Variants in BCOR observed in about 807,000 individuals in gnomAD.
BCOR encodes the protein BCL-6 corepressor.
BCOR carries 10 observed loss-of-function variants against 86.7 expected under a neutral mutation model. The observed-to-expected ratio is 0.12, with a 90% CI of 0.07 to 0.20. The LOEUF is 0.20. BCOR is among the 10% of genes least tolerant of loss of function. The pLI is 1.00. For missense variants in BCOR, 1,259 were observed against 1,452.1 expected (o/e 0.87, Z 2.16); for synonymous variants, 611 against 609.0 (o/e 1.00, Z -0.05).
intron 1 of BCOR, among the ~76,000 whole-genome samples, chrX:40,156,774 C>T (rs765085346): frequency 8.8e-6 from 1 of 113,602 alleles, no homozygotes; most frequent in East Asian, 2.8e-4. Flanking sequence ...CCTGTCCAGG[C>T]CCCAGCCTGG....
chrX:40,109,173 C>T (rs1937251515), intron 1 of BCOR, among the ~76,000 whole-genome samples: 1 of 112,021 alleles, frequency 8.9e-6, no homozygotes, highest in African/African-American at 3.2e-5. Flanking sequence ...GATTAGTCAC[C>T]GCTCGGCTCT....
intron 1 of BCOR, among the ~76,000 whole-genome samples, chrX:40,087,263 C>T (rs889140569): frequency 8.9e-6 from 1 of 112,911 alleles, no homozygotes; most frequent in Admixed American, 9.3e-5. Context: ...TACTGGCCGC[C>T]CCACTGATCA....
rs1208262236 is a variant in BCOR at position 40,063,084 on chromosome X, G to C, written c.3848-13C>G. 5 of 1,101,896 alleles carry C rather than the reference G, an allele frequency of 4.5e-6. No individual in the cohort carries two copies. The highest frequency in any genetic ancestry group is 2.1e-5 in the South Asian group (1 of 48,704). 90.8% of individuals were successfully genotyped at this position (1,101,896 alleles called of 1,213,427 possible). ...AACACAGGCAAGCCTAAATACGGAGGGGGTGACGGGGTGGCGGGCGGATGG... is the reference window on the plus strand; with the variant it reads ...AACACAGGCAAGCCTAAATACGGAGCGGGTGACGGGGTGGCGGGCGGATGG... On this transcript the variant is annotated splice_polypyrimidine_tract_variant and intron_variant, in intron 8 of 14. Transcript: ENST00000378444.
intron 1 of BCOR, among the ~76,000 whole-genome samples, chrX:40,170,227 A>G (rs1938590307): frequency 8.9e-6 from 1 of 112,176 alleles, no homozygotes; most frequent in South Asian, 3.7e-4. Flanking sequence ...CTGAGTCAAG[A>G]CGTCCTTCGG....
intron 1 of BCOR, among the ~76,000 whole-genome samples, chrX:40,096,510 A>G (rs1272431451): frequency 1.0e-5 from 1 of 100,217 alleles, no homozygotes; most frequent in Non-Finnish European, 1.9e-5. Flanking sequence ...TCGATTTCTT[A>G]GTAGTTTTTT....
At chrX:40,156,990 A>T (rs1177131881) in intron 1 of BCOR, among the ~76,000 whole-genome samples, 1 of 113,211 alleles carries the variant, frequency 8.8e-6, no homozygotes, top group Non-Finnish European at 1.9e-5. Context: ...TGGCCACCCG[A>T]GCTAACGCTA....
In BCOR at chrX:40,057,439, G is replaced by A. The variant is rs971074076; in HGVS notation, c.4429-118C>T. The A allele has an allele frequency of 2.8e-5, 22 of 782,372 alleles. No homozygotes were observed. The East Asian group carries it at 5.2e-4, about 18-fold the overall frequency. 64.5% of individuals were successfully genotyped at this position (782,372 alleles called of 1,213,427 possible). A position where few individuals can be genotyped will look rare whatever the true frequency, so the allele number is the denominator to read the frequency against. ...AGGCCTGAGAACCTGAGAACCTCTC[G>A]GGCGGGCTGTGGATGTCTTGGTGAG... On this transcript the variant is annotated intron_variant, in intron 10 of 14. Transcript: ENST00000378444.
At position 40,094,249 on chromosome X, in the gene BCOR, C is replaced by G. The variant is rs751344516; in HGVS notation, c.-41+2966G>C. ...GTCTGCTGCCATCTCCGCGCCTCCC[C>G]CCCCTCCAGTCCTTCAGCCGGGAGG... On this transcript the variant is annotated intron_variant, in intron 1 of 14. Transcript: ENST00000378444. Among the ~76,000 whole-genome samples the G allele has an allele frequency of 1.1e-3, 122 of 112,516 alleles. 2 individuals are homozygous for G. Among genetic ancestry groups the G allele is most frequent in the Admixed American group, 0.01 (111 of 10,762 alleles).
chrX:40,073,268 G>A lies in BCOR; in HGVS notation c.2078C>T (p.Pro693Leu). 1 of 1,211,603 alleles carries A rather than the reference G, an allele frequency of 8.3e-7. No homozygotes were observed. The highest frequency in any genetic ancestry group is 1.1e-6 in the Non-Finnish European group (1 of 895,199). ...CCCAGGCTTTGGGGCAAGGTGCCCA[G>A]GAAACAGACTGCCATTGGGTAACAA... ...PVLLPNGSLFPGHLAPKPGLP... is the reference protein window; with the variant it reads ...PVLLPNGSLFLGHLAPKPGLP... The change falls in exon 4 of 15, where the codon CCT (proline) becomes CTT (leucine). Residue 693 changes from proline to leucine, a missense_variant. Physicochemically the swap from Pro to Leu is moderately conservative, Grantham distance 98. Around this residue, in one of 7 missense-constraint regions of BCOR, gnomAD observed 534 missense variants for 594.8 expected, o/e 0.90. Transcript: ENST00000378444.
At chrX:40,077,175 C>T (rs1935849816) in intron 2 of BCOR, 1 of 156,620 alleles carries the variant, frequency 6.4e-6, no homozygotes, top group South Asian at 1.2e-4. Context: ...CAGGCTGCTG[C>T]GGCTGCCCTG....
intron 12 of BCOR, among the ~76,000 whole-genome samples, chrX:40,054,856 T>A (rs1419811133): frequency 8.9e-6 from 1 of 112,405 alleles, no homozygotes; most frequent in Non-Finnish European, 1.9e-5. Context: ...TTCCAACAAG[T>A]GAGTGTAATT....
intron 1 of BCOR, among the ~76,000 whole-genome samples, chrX:40,093,450 T>C (rs991471881): frequency 1.1e-4 from 12 of 111,637 alleles, no homozygotes; most frequent in Non-Finnish European, 2.1e-4. Context: ...GTTATTTATG[T>C]ATAGGGTAAC....
chrX:40,078,035 G>A, intron 1 of BCOR, 66 bp from the exon 2 acceptor site: 1 of 644,062 alleles, frequency 1.6e-6, no homozygotes, highest in South Asian at 2.3e-5. Flanking sequence ...GGGCGCTAGA[G>A]AAGGCCTCTT....
At chrX:40,071,590 CA>C in intron 5 of BCOR, 46 bp downstream of exon 5, 1 of 974,427 alleles carries the variant, frequency 1.0e-6, no homozygotes, top group Non-Finnish European at 1.5e-6. Context: ...AAATTTAACT[CA>C]AAAGGTTTAT....
chrX:40,139,401 A>AT (rs1469914843), intron 1 of BCOR, among the ~76,000 whole-genome samples: 1 of 17,051 alleles, frequency 5.9e-5, no homozygotes, highest in South Asian at 2.6e-3. Context: ...ATACATATAT[A>AT]TATATATATA....
chrX:40,074,567 G>C lies in BCOR; in HGVS notation c.779C>G (p.Ser260Cys), dbSNP rs1469848579. The C allele has an allele frequency of 9.9e-6, 12 of 1,211,773 alleles. No homozygotes were observed. Among genetic ancestry groups the C allele is most frequent in the Non-Finnish European group, 1.3e-5 (12 of 895,305 alleles). The change falls in exon 4 of 15, where the codon TCC (serine) becomes TGC (cysteine). Residue 260 changes from serine to cysteine, a missense_variant. By Grantham distance (112) the Ser-to-Cys change is moderately radical. This residue lies in a region of BCOR where 534 missense variants were observed against 594.8 expected (regional missense o/e 0.90). Coordinates refer to ENST00000378444, the MANE Select transcript of BCOR (RefSeq NM_001123385.2). ...CGAGAGCCTCATGGGTGATGCCAAG[G>C]ACGATGGGATGTGGGGACCGACGTA... ...PHYVGPHIPS[S>C]LASPMRLSTP...
chrX:40,114,550 A>G (rs1010656228), intron 1 of BCOR, among the ~76,000 whole-genome samples: 7 of 111,832 alleles, frequency 6.3e-5, no homozygotes, highest in African/African-American at 2.3e-4. Context: ...GTGGCAGAAG[A>G]TTGAGACTGT....
chrX:40,070,248 CT>C (rs1227539416), intron 6 of BCOR, among the ~76,000 whole-genome samples: 1 of 111,850 alleles, frequency 8.9e-6, no homozygotes, highest in Non-Finnish European at 1.9e-5. Flanking sequence ...GCAAGCAGAC[CT>C]AAAGCTTCAA....
At chrX:40,117,422 G>A (rs1030196394) in intron 1 of BCOR, among the ~76,000 whole-genome samples, 1 of 111,399 alleles carries the variant, frequency 9.0e-6, no homozygotes, top group African/African-American at 3.3e-5. Flanking sequence ...AGGATCATAC[G>A]GTCTATTCCT....
Sources: allele counts gnomAD v4.1 joint callset (sites outside exome capture counted in the v4.1 genomes callset), GRCh38; gene constraint gnomAD v4.1.1; regional missense constraint gnomAD v4.1.1; transcripts MANE v1.5; gene names NCBI Gene and HGNC (gene_info 2026-07-23, HGNC 2026-07-21).